HMSD: variants seen among roughly 807,000 people sequenced by gnomAD.
HMSD encodes serpin-like protein HMSD.
HMSD carries 13 observed loss-of-function variants against 10.0 expected under a neutral mutation model. That is an observed-to-expected ratio of 1.31 (90% CI 0.85 to 2.08). The LOEUF is 2.08. Ranked by LOEUF, HMSD falls within the 30% of genes most tolerant of loss-of-function variation. HMSD has a pLI of 0.00. For missense variants in HMSD, 169 were observed against 166.3 expected (o/e 1.02, Z -0.09); for synonymous variants, 51 against 54.2 (o/e 0.94, Z 0.26).
In HMSD at chr18:63,961,445, G is replaced by A. The variant is rs1162647393; in HGVS notation, c.*1090G>A. 1 of 152,174 alleles carries A rather than the reference G, an allele frequency of 6.6e-6. No homozygotes were observed. The highest frequency in any genetic ancestry group is 1.5e-5 in the Non-Finnish European group (1 of 68,016). The allele number at this position is 152,174 out of a possible 1,614,324, so 9.4% of individuals were successfully genotyped here. On this transcript the variant is annotated 3_prime_UTR_variant, in exon 4 of 4. Coordinates refer to ENST00000408945, the MANE Select transcript of HMSD (RefSeq NM_001123366.2). ...TATTTCTGTCTTGTAAAGCCTGAAA[G>A]CTCATGTGCTGCCTTGACATCTATG...
intron 3 of HMSD, chr18:63,969,522 C>CAGT (rs1224467644): frequency 6.6e-6 from 1 of 152,086 alleles, no homozygotes; most frequent in Non-Finnish European, 1.5e-5. Context: ...GAGAGATGTC[C>CAGT]AGTAGTACAC....
chr18:63,967,387 G>T (rs994755701), intron 3 of HMSD, among the ~76,000 whole-genome samples: 1 of 152,152 alleles, frequency 6.6e-6, no homozygotes, highest in Non-Finnish European at 1.5e-5. Flanking sequence ...GCCCGCCTCG[G>T]CCTCCAAAAG....
intron 3 of HMSD, among the ~76,000 whole-genome samples, chr18:63,967,404 G>T (rs893580467): frequency 6.6e-6 from 1 of 152,200 alleles, no homozygotes; most frequent in Non-Finnish European, 1.5e-5. Context: ...AAAGTGCTGG[G>T]ATTACAGGCA....
At chr18:63,959,464 T>C (rs2050375165) in intron 3 of HMSD, among the ~76,000 whole-genome samples, 1 of 152,332 alleles carries the variant, frequency 6.6e-6, no homozygotes, top group South Asian at 2.1e-4. Context: ...CTTTCTCTTA[T>C]TGATTTCTAG....
chr18:63,956,826 GC>G, intron 3 of HMSD, among the ~76,000 whole-genome samples: 1 of 152,134 alleles, frequency 6.6e-6, no homozygotes, highest in Non-Finnish European at 1.5e-5. Flanking sequence ...CAACCTAAAT[GC>G]CCATCAATAG....
chr18:63,954,438 G>T lies in HMSD; in HGVS notation c.103G>T (p.Asp35Tyr). The change falls in exon 3 of 4, where the codon GAT becomes TAT. Residue 35 changes from aspartate to tyrosine, a missense_variant. Asp to Tyr is a radical substitution (Grantham distance 160, BLOSUM62 -3). Transcript: ENST00000408945. The stretch of plus-strand genomic sequence containing the variant: ...TTGTTTTAGTAAAATCGGAGGTGAA[G>T]ATGGAGATATTCATCGAGGTTTTCA... Reference protein sequence around the residue: ...ALCFSKIGGEDGDIHRGFQSL... With the variant: ...ALCFSKIGGEYGDIHRGFQSL... The T allele has an allele frequency of 6.2e-7, 1 of 1,610,852 alleles. No individual in the cohort carries two copies. The highest frequency in any genetic ancestry group is 8.5e-7 in the Non-Finnish European group (1 of 1,179,004).
At chr18:63,960,078 T>G (rs989298299) in intron 3 of HMSD, 80 bp from the exon 4 acceptor site, 3 of 1,294,508 alleles carry the variant, frequency 2.3e-6, no homozygotes, top group African/African-American at 3.0e-5. Context: ...ATTGATTTTC[T>G]GATGTGGCAC....
At chr18:63,963,098 TTTC>T (rs2050394807), downstream of HMSD, among the ~76,000 whole-genome samples, 1 of 131,742 alleles carries the variant, frequency 7.6e-6, no homozygotes, top group Non-Finnish European at 1.6e-5. Flanking sequence ...TCTTTCTTTC[TTTC>T]TTTCTTTCTT....
chr18:63,950,057 T>C (rs1408921006), intron 1 of HMSD, among the ~76,000 whole-genome samples: 1 of 152,174 alleles, frequency 6.6e-6, no homozygotes. Flanking sequence ...CAAAAACCAG[T>C]ATGTGTTAAT....
chr18:63,966,514 AG>A (rs2050410368), downstream of HMSD: 1 of 152,262 alleles, frequency 6.6e-6, no homozygotes, highest in African/African-American at 2.4e-5. Flanking sequence ...ACACATTTCA[AG>A]TTAAAAATAG....
At chr18:63,962,872 G>A (rs1443442719), downstream of HMSD, among the ~76,000 whole-genome samples, 1 of 152,114 alleles carries the variant, frequency 6.6e-6, no homozygotes, top group African/African-American at 2.4e-5. Flanking sequence ...GGAGGGGGCA[G>A]AGGACTTGAG....
intron 3 of HMSD, among the ~76,000 whole-genome samples, chr18:63,957,133 T>C (rs72943554): frequency 0.043 from 6,613 of 152,176 alleles, 192 homozygotes; most frequent in Non-Finnish European, 0.057. Flanking sequence ...CTAGGCTTAT[T>C]ACATGGTTGA....
At position 63,949,358 on chromosome 18, in the gene HMSD, C is replaced by A. The variant is rs549211226; in HGVS notation, c.-145C>A. Reference sequence around the variant, plus strand: ...GACATCTCTATTCCCGCCTCTCCGACCCGGTCTCACTTCGCTCCTGGGCAG... The same window carrying A: ...GACATCTCTATTCCCGCCTCTCCGAACCGGTCTCACTTCGCTCCTGGGCAG... On this transcript the variant is annotated 5_prime_UTR_variant, in exon 1 of 4. Coordinates refer to ENST00000408945, the MANE Select transcript of HMSD (RefSeq NM_001123366.2). 128 of 152,476 alleles carry A rather than the reference C, an allele frequency of 8.4e-4. 1 individual carries two copies. The highest frequency in any genetic ancestry group is 1.5e-3 in the Non-Finnish European group (101 of 68,146). 9.4% of individuals were successfully genotyped at this position (152,476 alleles called of 1,614,324 possible). A position where few individuals can be genotyped will look rare whatever the true frequency, so the allele number is the denominator to read the frequency against.
At chr18:63,955,614 TTAACC>T (rs1244082393) in intron 3 of HMSD, among the ~76,000 whole-genome samples, 1 of 152,006 alleles carries the variant, frequency 6.6e-6, no homozygotes, top group Non-Finnish European at 1.5e-5. Flanking sequence ...CTGCATAATG[TTAACC>T]TTTAAAACTT....
At chr18:63,969,225 C>A (rs905202405) in intron 3 of HMSD, 1 of 152,234 alleles carries the variant, frequency 6.6e-6, no homozygotes, top group Non-Finnish European at 1.5e-5. Context: ...GAGGCTTACA[C>A]TCCTTGCTCA....
downstream of HMSD, among the ~76,000 whole-genome samples, chr18:63,965,053 G>A (rs1027574774): frequency 1.3e-5 from 2 of 152,256 alleles, no homozygotes; most frequent in East Asian, 3.9e-4. Context: ...CTCTGATGTA[G>A]TTTGTTTGCA....
chr18:63,954,534 G>T lies in HMSD; in HGVS notation c.199G>T (p.Glu67Ter). Residue 67 changes from glutamate (E) to a stop codon, truncating the protein, a stop_gained, in exon 3 of 4, where the codon GAA (glutamate) becomes TAA (stop). Coordinates refer to ENST00000408945, the MANE Select transcript of HMSD (RefSeq NM_001123366.2). LOFTEE classifies it high-confidence loss of function. Reference protein sequence around the residue: ...VLRTANGLFGEKSYDFLTGFT... With the variant: ...VLRTANGLFG ...TAGAACTGCCAACGGGCTCTTTGGA[G>T]AAAAGTCTTATGATTTCCTCACAGT... The T allele has an allele frequency of 6.2e-7, 1 of 1,611,910 alleles. No individual in the cohort carries two copies. Among genetic ancestry groups the T allele is most frequent in the Non-Finnish European group, 8.5e-7 (1 of 1,178,554 alleles).
intron 3 of HMSD, among the ~76,000 whole-genome samples, chr18:63,957,670 T>C (rs2050366177): frequency 6.6e-6 from 1 of 152,212 alleles, no homozygotes; most frequent in Non-Finnish European, 1.5e-5. Context: ...TATTGCCATC[T>C]TTTTACTAGC....
chr18:63,955,059 CACAA>C (rs1475599958), intron 3 of HMSD, among the ~76,000 whole-genome samples: 1 of 152,204 alleles, frequency 6.6e-6, no homozygotes, highest in African/African-American at 2.4e-5. Flanking sequence ...TATTTAAAAA[CACAA>C]ACAACACATA....
Sources: gnomAD v4.1 joint callset for allele counts (sites outside exome capture counted in the v4.1 genomes callset) on GRCh38, gnomAD v4.1.1 for gene constraint, MANE v1.5 for transcripts, NCBI Gene and HGNC (gene_info 2026-07-23, HGNC 2026-07-21) for gene names.